Variants in ARHGAP42 observed in about 807,000 individuals in gnomAD.
The protein encoded by ARHGAP42 is Rho GTPase activating protein 42, also known as rho GTPase-activating protein 42.
A neutral mutation model predicts 125.0 loss-of-function variants in ARHGAP42; 63 were observed. The ratio of observed to expected loss-of-function variants is 0.50; its 90% CI spans 0.41 to 0.62. ARHGAP42 has a LOEUF of 0.62. ARHGAP42 is among the 20% of genes least tolerant of loss of function. The probability of loss-of-function intolerance (pLI) is 0.00; values close to 1 mark genes in which losing one functional copy is unlikely to be tolerated. For synonymous variants in ARHGAP42, 339 were observed against 351.0 expected (o/e 0.97, Z 0.38); for missense variants, 766 against 1,024.2 (o/e 0.75, Z 3.44).
At chr11:100,907,031 A>G (rs1012561961) in intron 4 of ARHGAP42, among the ~76,000 whole-genome samples, 2 of 152,346 alleles carry the variant, frequency 1.3e-5, no homozygotes, top group South Asian at 2.1e-4. Context: ...TTCTTAGGAC[A>G]CACATATATG....
chr11:100,822,054 G>A (rs1864417300), intron 3 of ARHGAP42, among the ~76,000 whole-genome samples: 1 of 152,086 alleles, frequency 6.6e-6, no homozygotes, highest in South Asian at 2.1e-4. Flanking sequence ...ATTTCACCAT[G>A]TGACTCTAAG....
At chr11:100,891,814 A>G (rs182808058) in intron 4 of ARHGAP42, among the ~76,000 whole-genome samples, 1 of 152,298 alleles carries the variant, frequency 6.6e-6, no homozygotes, top group African/African-American at 2.4e-5. Flanking sequence ...ATGCCGAGTT[A>G]GAGGTACACG....
intron 12 of ARHGAP42, among the ~76,000 whole-genome samples, chr11:100,954,068 T>C (rs1399033798): frequency 2.0e-5 from 3 of 152,156 alleles, no homozygotes; most frequent in Admixed American, 1.3e-4. Context: ...GGAACAGTCA[T>C]TTACAGAGGC....
intron 4 of ARHGAP42, among the ~76,000 whole-genome samples, chr11:100,904,228 C>T (rs1866655601): frequency 6.6e-6 from 1 of 151,766 alleles, no homozygotes; most frequent in Non-Finnish European, 1.5e-5. Context: ...ACCCCCTCTA[C>T]TTCCTATTTT....
chr11:100,938,301 C>G (rs1048867564), intron 8 of ARHGAP42, among the ~76,000 whole-genome samples: 7 of 152,106 alleles, frequency 4.6e-5, no homozygotes, highest in Admixed American at 1.3e-4. Flanking sequence ...TCTAATGCGT[C>G]TTCTACAGTG....
At chr11:100,894,125 A>T (rs1866285775) in intron 4 of ARHGAP42, among the ~76,000 whole-genome samples, 1 of 152,304 alleles carries the variant, frequency 6.6e-6, no homozygotes, top group South Asian at 2.1e-4. Context: ...AGTAATGGAA[A>T]ATTTTCAGTC....
intron 2 of ARHGAP42, among the ~76,000 whole-genome samples, chr11:100,792,619 G>C (rs902452926): frequency 6.6e-6 from 1 of 152,042 alleles, no homozygotes; most frequent in African/African-American, 2.4e-5. Context: ...AACAACTTTG[G>C]CAAAATAAGT....
chr11:100,936,077 T>A lies in ARHGAP42; in HGVS notation c.703-126T>A, dbSNP rs1421791681. On this transcript the variant is annotated intron_variant, in intron 7 of 23. Transcript: ENST00000298815. ...GGTCAAGGCTGCAGTGAGCCATAAT[T>A]GCACCTGGTTGACAGAGTGATACTC... 12 of 1,192,264 alleles carry A rather than the reference T, an allele frequency of 1.0e-5. No homozygotes were observed. In the Admixed American group the frequency reaches 2.7e-4, roughly 26 times the overall value. 73.9% of individuals were successfully genotyped at this position (1,192,264 alleles called of 1,614,324 possible). A position where few individuals can be genotyped will look rare whatever the true frequency, so the allele number is the denominator to read the frequency against.
chr11:100,712,805 A>G (rs915760578), intron 1 of ARHGAP42, among the ~76,000 whole-genome samples: 4 of 152,086 alleles, frequency 2.6e-5, no homozygotes, highest in Non-Finnish European at 5.9e-5. Flanking sequence ...ATTTTTTTTC[A>G]ATCCATGAAC....
At chr11:100,831,396 C>G (rs996346776) in intron 3 of ARHGAP42, among the ~76,000 whole-genome samples, 2 of 152,108 alleles carry the variant, frequency 1.3e-5, no homozygotes, top group Non-Finnish European at 2.9e-5. Context: ...AAGAAAAACA[C>G]GGAACTGACT....
chr11:100,701,456 A>G (rs1288051118), intron 1 of ARHGAP42, among the ~76,000 whole-genome samples: 1 of 152,248 alleles, frequency 6.6e-6, no homozygotes, highest in Non-Finnish European at 1.5e-5. Flanking sequence ...CTTCATCCAC[A>G]TTGAAAGTCT....
chr11:100,748,852 T>C (rs982498621), intron 1 of ARHGAP42, among the ~76,000 whole-genome samples: 12 of 152,220 alleles, frequency 7.9e-5, no homozygotes, highest in African/African-American at 2.9e-4. Flanking sequence ...CAATTATTAA[T>C]TATAGGTTTT....
intron 3 of ARHGAP42, among the ~76,000 whole-genome samples, chr11:100,847,660 T>C (rs1865102644): frequency 1.3e-5 from 2 of 152,056 alleles, no homozygotes; most frequent in African/African-American, 4.8e-5. Context: ...GGAGACAAGC[T>C]AAGGCGGCGG....
At position 100,812,666 on chromosome 11, in the gene ARHGAP42, C is replaced by G. The variant is rs554860636; in HGVS notation, c.312+17500C>G. Among the ~76,000 whole-genome samples, 16 of 152,228 alleles carry G rather than the reference C, an allele frequency of 1.1e-4. No individual in the cohort carries two copies. In the South Asian group the frequency reaches 3.3e-3, roughly 32 times the overall value. The stretch of plus-strand genomic sequence containing the variant: ...CTTGGGAAAATGCTTTTCAGGTTGC[C>G]CAGACAGCTTTACAGCAGCAAGTAC... On this transcript the variant is annotated intron_variant, in intron 3 of 23. Transcript: ENST00000298815.
intron 3 of ARHGAP42, among the ~76,000 whole-genome samples, chr11:100,809,251 A>T (rs1486959731): frequency 6.6e-6 from 1 of 152,118 alleles, no homozygotes; most frequent in Non-Finnish European, 1.5e-5. Flanking sequence ...GATGAAGAAG[A>T]AAGAAAAAGA....
intron 1 of ARHGAP42, among the ~76,000 whole-genome samples, chr11:100,731,933 T>C (rs376115135): frequency 7.2e-5 from 11 of 151,786 alleles, no homozygotes; most frequent in African/African-American, 2.7e-4. Flanking sequence ...TAACACATTC[T>C]ATATTTAACT....
In ARHGAP42 at chr11:100,976,302, T is replaced by A; in HGVS notation, c.2101T>A (p.Cys701Ser). Residue 701 changes from cysteine (C) to serine (S), a missense_variant, in exon 20 of 24, where the codon TGC becomes AGC. Coordinates refer to ENST00000298815, the MANE Select transcript of ARHGAP42 (RefSeq NM_152432.4). ...DATKTDAESD[C>S]QSVASVTSPG... The stretch of plus-strand genomic sequence containing the variant: ...AACCAAGACAGATGCAGAATCAGAC[T>A]GCCAGAGTGTTGCTTCAGTCACTAG... The A allele has an allele frequency of 1.3e-6, 2 of 1,551,798 alleles. No individual in the cohort carries two copies. Among genetic ancestry groups the A allele is most frequent in the Non-Finnish European group, 1.7e-6 (2 of 1,146,890 alleles).
chr11:100,737,519 T>G (rs1304936408), intron 1 of ARHGAP42, among the ~76,000 whole-genome samples: 1 of 152,212 alleles, frequency 6.6e-6, no homozygotes, highest in Admixed American at 6.5e-5. Context: ...TTTAAAACTT[T>G]CATGTGTTTC....
chr11:100,964,773 A>G (rs564963747), intron 16 of ARHGAP42, among the ~76,000 whole-genome samples: 7 of 152,148 alleles, frequency 4.6e-5, no homozygotes, highest in Non-Finnish European at 1.0e-4. Flanking sequence ...ATGGGCTAAA[A>G]ATCTGTTGGG....
Sources: allele counts gnomAD v4.1 joint callset (sites outside exome capture counted in the v4.1 genomes callset), GRCh38; gene constraint gnomAD v4.1.1; transcripts MANE v1.5; gene names NCBI Gene and HGNC (gene_info 2026-07-23, HGNC 2026-07-21).